ACOT12: variants seen among roughly 807,000 people sequenced by gnomAD.
The protein encoded by ACOT12 is acyl-CoA thioesterase 12.
A neutral mutation model predicts 67.7 loss-of-function variants in ACOT12; 51 were observed. The ratio of observed to expected loss-of-function variants is 0.75; its 90% CI spans 0.60 to 0.95. ACOT12 has a LOEUF of 0.95. Among genes scored for constraint, ACOT12 ranks in the 40% least tolerant of loss-of-function variants. The pLI, the probability that ACOT12 is intolerant of heterozygous loss-of-function variation, is 0.00. For synonymous variants in ACOT12, 251 were observed against 244.6 expected (o/e 1.03, Z -0.24); for missense variants, 734 against 708.1 (o/e 1.04, Z -0.41).
downstream of ACOT12, among the ~76,000 whole-genome samples, chr5:81,329,607 G>A (rs1338462613): frequency 6.6e-6 from 1 of 152,140 alleles, no homozygotes; most frequent in East Asian, 1.9e-4. Context: ...GTGTCCTTGA[G>A]AGGAGGCTAG....
At chr5:81,329,156 A>G (rs1387735442), downstream of ACOT12, among the ~76,000 whole-genome samples, 2 of 152,180 alleles carry the variant, frequency 1.3e-5, no homozygotes, top group Non-Finnish European at 2.9e-5. Flanking sequence ...TCAGGAAAAC[A>G]TTTCAAAAAA....
In ACOT12 at chr5:81,385,830, C is replaced by CA. The variant is rs1300011747; in HGVS notation, c.128-5dup. On this transcript the variant is annotated splice_region_variant and splice_polypyrimidine_tract_variant and intron_variant, in intron 1 of 14. Coordinates refer to ENST00000307624, the MANE Select transcript of ACOT12 (RefSeq NM_130767.3). ...GAAACTCCAGCATGTTTCTCAGCTTCAAAAAATACATAAAAATGTGCTGCT... is the reference window on the plus strand; with the variant it reads ...GAAACTCCAGCATGTTTCTCAGCTTCAAAAAAATACATAAAAATGTGCTGCT... The CA allele has an allele frequency of 6.2e-7, 1 of 1,613,348 alleles. No homozygotes were observed. The highest frequency in any genetic ancestry group is 1.7e-5 in the Admixed American group (1 of 59,962).
intron 2 of ACOT12, among the ~76,000 whole-genome samples, chr5:81,378,485 T>C (rs1200927519): frequency 1.3e-5 from 2 of 151,712 alleles, no homozygotes; most frequent in Non-Finnish European, 2.9e-5. Context: ...AATAGACAAA[T>C]GGGATCTAAT....
chr5:81,314,728 G>A, the ACOT12 span, among the ~76,000 whole-genome samples: 1 of 152,136 alleles, frequency 6.6e-6, no homozygotes, highest in Non-Finnish European at 1.5e-5. Context: ...ATTATAATGG[G>A]GCTGAATAAT....
At chr5:81,385,715 C>T in intron 2 of ACOT12, 42 bp downstream of exon 2, 3 of 1,600,986 alleles carry the variant, frequency 1.9e-6, no homozygotes, top group Non-Finnish European at 2.6e-6. Flanking sequence ...CAGATGAACC[C>T]ACAAACCCAG....
rs140211345 is a variant in ACOT12 at position 81,346,140 on chromosome 5, T to C, written c.654-136A>G. On this transcript the variant is annotated intron_variant, in intron 6 of 14. Coordinates refer to ENST00000307624, the MANE Select transcript of ACOT12 (RefSeq NM_130767.3). ...ATAACTGGATTATGTGGGTTGAGGG[T>C]AGGTCTGCACGCTACCTGCCAATAT... 3.7e-3 allele frequency: 4,961 copies of C among 1,357,938 alleles called. 10 individuals are homozygous for C. Among genetic ancestry groups the C allele is most frequent in the Non-Finnish European group, 4.5e-3 (4,562 of 1,016,986 alleles). The allele number at this position is 1,357,938 out of a possible 1,614,324, so 84.1% of individuals were successfully genotyped here.
In ACOT12 at chr5:81,344,013, A is replaced by G. The variant is rs1405305378; in HGVS notation, c.981-132T>C. 7 of 1,208,466 alleles carry G rather than the reference A, an allele frequency of 5.8e-6. No individual in the cohort carries two copies. In the East Asian group the frequency reaches 1.2e-4, roughly 21 times the overall value. The allele number at this position is 1,208,466 out of a possible 1,614,324, so 74.9% of individuals were successfully genotyped here. On this transcript the variant is annotated intron_variant, in intron 9 of 14. Coordinates refer to ENST00000307624, the MANE Select transcript of ACOT12 (RefSeq NM_130767.3). ...GGAACAACGTGGAAGAACTATTTCC[A>G]TAAGTCAGTAGTCAGCCTTTGCGGC...
downstream of ACOT12, among the ~76,000 whole-genome samples, chr5:81,327,748 C>G (rs1176101461): frequency 6.6e-6 from 1 of 152,152 alleles, no homozygotes; most frequent in East Asian, 1.9e-4. Flanking sequence ...GCTGAGATTC[C>G]TTTCTTAATC....
At chr5:81,314,966 C>A in the ACOT12 span, among the ~76,000 whole-genome samples, 1 of 152,206 alleles carries the variant, frequency 6.6e-6, no homozygotes, top group South Asian at 2.1e-4. Context: ...AGGCATGAGC[C>A]ACTACACCCA....
chr5:81,344,792 G>A, intron 8 of ACOT12, 99 bp downstream of exon 8: 1 of 1,450,844 alleles, frequency 6.9e-7, no homozygotes, highest in Middle Eastern at 1.8e-4. Flanking sequence ...GAAAACCAAA[G>A]GGAAAGAGCC....
downstream of ACOT12, among the ~76,000 whole-genome samples, chr5:81,328,207 G>A (rs956486335): frequency 3.3e-5 from 5 of 152,152 alleles, no homozygotes; most frequent in Admixed American, 3.3e-4. Flanking sequence ...GTCCCTCAAG[G>A]AAGCCTACAC....
At chr5:81,341,525 G>T (rs542121923) in intron 11 of ACOT12, among the ~76,000 whole-genome samples, 19 of 152,176 alleles carry the variant, frequency 1.2e-4, no homozygotes, top group Non-Finnish European at 2.5e-4. Flanking sequence ...CAGGACATAT[G>T]GTCATCCTAT....
Position 81,338,467 on chromosome 5 carries a change from G to T in ACOT12, c.1129-2566C>A, listed in dbSNP as rs572334980. ...TCCTCCTGCTCTAGCCATGTAGGAC[G>T]TGCCTGCTTCCTCTTCACCTTCTGC... On this transcript the variant is annotated intron_variant, in intron 11 of 14. Transcript: ENST00000307624. Among the ~76,000 whole-genome samples the T allele has an allele frequency of 1.1e-4, 16 of 152,208 alleles. 1 individual carries two copies. The highest frequency in any genetic ancestry group is 2.9e-4 in the African/African-American group (12 of 41,532).
chr5:81,326,677 C>A (rs1289078867), downstream of ACOT12, among the ~76,000 whole-genome samples: 2 of 152,180 alleles, frequency 1.3e-5, no homozygotes, highest in African/African-American at 2.4e-5. Flanking sequence ...GAGCAAGTAG[C>A]GAGCACTGTA....
intron 5 of ACOT12, among the ~76,000 whole-genome samples, chr5:81,358,601 G>A (rs1759798436): frequency 6.6e-6 from 1 of 152,226 alleles, no homozygotes; most frequent in Non-Finnish European, 1.5e-5. Flanking sequence ...TGTAATCCCA[G>A]CACTTTGGGA....
intron 3 of ACOT12, among the ~76,000 whole-genome samples, chr5:81,371,360 C>T (rs563706697): frequency 4.4e-4 from 67 of 152,150 alleles, no homozygotes; most frequent in Admixed American, 1.2e-3. Context: ...TCAAGCAATC[C>T]GCCCACCTCC....
intron 10 of ACOT12, among the ~76,000 whole-genome samples, chr5:81,343,246 A>C (rs78100271): frequency 0.011 from 1,680 of 152,210 alleles, 25 homozygotes; most frequent in African/African-American, 0.037. Flanking sequence ...CGAAAAAAAA[A>C]CAAACAAAAG....
chr5:81,338,907 C>G (rs368872023), intron 11 of ACOT12, among the ~76,000 whole-genome samples: 6 of 152,046 alleles, frequency 3.9e-5, no homozygotes, highest in Non-Finnish European at 7.4e-5. Context: ...ATGGTGAAAC[C>G]CTGTCTCTAC....
At chr5:81,347,495 G>T (rs2153850046) in intron 6 of ACOT12, among the ~76,000 whole-genome samples, 1 of 152,254 alleles carries the variant, frequency 6.6e-6, no homozygotes, top group East Asian at 1.9e-4. Context: ...ACAATGAGTT[G>T]CAGTTTCATA....
Sources: allele counts gnomAD v4.1 joint callset (sites outside exome capture counted in the v4.1 genomes callset), GRCh38; gene constraint gnomAD v4.1.1; transcripts MANE v1.5; gene names NCBI Gene and HGNC (gene_info 2026-07-23, HGNC 2026-07-21).